The following HPCAL1 variants were observed in gnomAD, a reference collection of about 807,000 sequenced individuals.
HPCAL1 encodes the protein hippocalcin like 1.
A neutral mutation model predicts 17.1 loss-of-function variants in HPCAL1; 8 were observed. The observed-to-expected ratio is 0.47, with a 90% confidence interval of 0.27 to 0.84. The LOEUF (loss-of-function observed/expected upper bound fraction) is 0.84. Among genes scored for constraint, HPCAL1 ranks in the 40% least tolerant of loss-of-function variants. The probability of loss-of-function intolerance (pLI) is 0.13; values close to 1 mark genes in which losing one functional copy is unlikely to be tolerated. For synonymous variants in HPCAL1, 112 were observed against 111.4 expected (o/e 1.01, Z -0.03); for missense variants, 165 against 271.1 (o/e 0.61, Z 2.75).
chr2:10,402,987 A>G (rs1379782611), intron 2 of HPCAL1, among the ~76,000 whole-genome samples: 1 of 152,170 alleles, frequency 6.6e-6, no homozygotes, highest in Non-Finnish European at 1.5e-5. Context: ...ATGTGGCCAA[A>G]CCCCATTCAT....
chr2:10,400,189 G>A (rs1558519587), intron 2 of HPCAL1, among the ~76,000 whole-genome samples: 1 of 152,194 alleles, frequency 6.6e-6, no homozygotes. Context: ...GTGGCAAGGA[G>A]GGGGCGAGCA....
intron 1 of HPCAL1, among the ~76,000 whole-genome samples, chr2:10,346,518 C>A (rs1032824515): frequency 6.6e-6 from 1 of 152,106 alleles, no homozygotes; most frequent in Non-Finnish European, 1.5e-5. Flanking sequence ...AGATGTTTAA[C>A]CCTCTAGGTC....
intron 1 of HPCAL1, among the ~76,000 whole-genome samples, chr2:10,324,016 A>C (rs992382463): frequency 2.6e-5 from 4 of 152,260 alleles, no homozygotes; most frequent in African/African-American, 9.6e-5. Flanking sequence ...GTACTTCAAG[A>C]AAGTCAGTTA....
chr2:10,377,827 C>T lies in HPCAL1; in HGVS notation c.-110-19008C>T, dbSNP rs916315199. Among the ~76,000 whole-genome samples the T allele has an allele frequency of 6.6e-6, 1 of 152,144 alleles. No individual in the cohort carries two copies. The highest frequency in any genetic ancestry group is 1.5e-5 in the Non-Finnish European group (1 of 68,036). Reference sequence around the variant, plus strand: ...CCCCATCCCCAGGGTGGTGAGCCACCGAGGGGGGCCAGGCACGGGGGAGGG... The same window carrying T: ...CCCCATCCCCAGGGTGGTGAGCCACTGAGGGGGGCCAGGCACGGGGGAGGG... On this transcript the variant is annotated intron_variant, in intron 1 of 4. Coordinates refer to ENST00000307845, the MANE Select transcript of HPCAL1 (RefSeq NM_002149.4). This position sits in a 1 kb window ranked among gnomAD's most constrained non-coding sequence, Gnocchi z 5.9.
At chr2:10,414,377 G>C (rs1009240903) in intron 2 of HPCAL1, among the ~76,000 whole-genome samples, 1 of 139,450 alleles carries the variant, frequency 7.2e-6, no homozygotes, top group Non-Finnish European at 1.6e-5. Context: ...GTGTTGGCAG[G>C]GTTGGGTGTT....
At chr2:10,407,513 G>A (rs2125604017) in intron 2 of HPCAL1, among the ~76,000 whole-genome samples, 1 of 151,954 alleles carries the variant, frequency 6.6e-6, no homozygotes, top group Non-Finnish European at 1.5e-5. Context: ...TTTGGGCCCT[G>A]TGGGGGTACA....
At chr2:10,332,299 T>C (rs1294600499) in intron 1 of HPCAL1, among the ~76,000 whole-genome samples, 1 of 152,194 alleles carries the variant, frequency 6.6e-6, no homozygotes, top group Non-Finnish European at 1.5e-5. Context: ...TTTCCTTCCA[T>C]TTAAGCTTCA....
chr2:10,316,137 T>C (rs1330846996), intron 1 of HPCAL1, among the ~76,000 whole-genome samples: 5 of 152,358 alleles, frequency 3.3e-5, no homozygotes, highest in Non-Finnish European at 5.9e-5. Context: ...ACTTCGTTTG[T>C]TGACCTGGAA....
At chr2:10,308,643 G>T (rs530979020) in intron 1 of HPCAL1, among the ~76,000 whole-genome samples, 3 of 152,146 alleles carry the variant, frequency 2.0e-5, no homozygotes, top group African/African-American at 7.2e-5. Context: ...TCTCTTACCT[G>T]CCTCTCCTGC....
intron 1 of HPCAL1, chr2:10,369,141 C>T (rs542315957): frequency 8.5e-5 from 13 of 152,320 alleles, no homozygotes; most frequent in South Asian, 2.1e-4. Flanking sequence ...AACCCTGTGC[C>T]GGGGTGGCTG....
intron 1 of HPCAL1, among the ~76,000 whole-genome samples, chr2:10,393,732 C>T (rs570352241): frequency 6.6e-6 from 1 of 152,276 alleles, no homozygotes; most frequent in African/African-American, 2.4e-5. Flanking sequence ...TGCCAGCAGG[C>T]TTGTGCTCAC....
At position 10,389,421 on chromosome 2, in the gene HPCAL1, A is replaced by G. The variant is rs571864787; in HGVS notation, c.-110-7414A>G. On this transcript the variant is annotated intron_variant, in intron 1 of 4. Transcript: ENST00000307845. ...CGGCTCACCCTTGAATTCTTTCCTG[A>G]GTGAAGCCAAGAACCCTCCTGGGCT... 9.2e-5 allele frequency among the ~76,000 whole-genome samples: 14 copies of G among 152,220 alleles called. No homozygotes were observed. The East Asian group carries it at 2.5e-3, about 27-fold the overall frequency.
Position 10,310,164 on chromosome 2 carries a change from CT to C in HPCAL1, c.-111+6988del. Among the ~76,000 whole-genome samples the C allele has an allele frequency of 6.6e-6, 1 of 152,010 alleles. No homozygotes were observed. Among genetic ancestry groups the C allele is most frequent in the African/African-American group, 2.4e-5 (1 of 41,368 alleles). On this transcript the variant is annotated intron_variant, in intron 1 of 4. Transcript: ENST00000307845. The surrounding 1 kb of genome is among the most constrained non-coding windows in gnomAD (Gnocchi z 4.5). ...AACCCAGGTCTGCAGATGTGGCAGACTGGGTTTGAACTGTAGTCTTTGCTCT... is the reference window on the plus strand; with the variant it reads ...AACCCAGGTCTGCAGATGTGGCAGACGGGTTTGAACTGTAGTCTTTGCTCT...
intron 1 of HPCAL1, among the ~76,000 whole-genome samples, chr2:10,378,223 GTTTTTTTTTTTT>G (rs58697364): frequency 2.1e-5 from 2 of 96,254 alleles, no homozygotes; most frequent in South Asian, 4.1e-4. Context: ...GTGGTTTCAT[GTTTTTTTTTTTT>G]TTTTTTTTTT....
chr2:10,344,642 G>A lies in HPCAL1; in HGVS notation c.-111+41465G>A, dbSNP rs748636214. On this transcript the variant is annotated intron_variant, in intron 1 of 4. Transcript: ENST00000307845. The surrounding 1 kb of genome is among the most constrained non-coding windows in gnomAD (Gnocchi z 4.9). ...TTATAATCAAATGAGTAAGACGGGC[G>A]TCCCACACTCCACAGTACTCTGCTC... is the stretch of plus-strand genomic sequence containing the variant. Among the ~76,000 whole-genome samples, 6 of 152,150 alleles carry A rather than the reference G, an allele frequency of 3.9e-5. No individual in the cohort carries two copies. Among genetic ancestry groups the A allele is most frequent in the South Asian group, 4.2e-4 (2 of 4,818 alleles).
At chr2:10,418,808 C>G (rs528552394) in intron 2 of HPCAL1, among the ~76,000 whole-genome samples, 1 of 152,194 alleles carries the variant, frequency 6.6e-6, no homozygotes, top group African/African-American at 2.4e-5. Context: ...AGCAGTTCCT[C>G]GTTCCCACAG....
At position 10,419,651 on chromosome 2, in the gene HPCAL1, G is replaced by C; in HGVS notation, c.-24-83G>C. 7.3e-7 allele frequency: 1 copy of C among 1,360,946 alleles called. No individual in the cohort carries two copies. Among genetic ancestry groups the C allele is most frequent in the Non-Finnish European group, 9.9e-7 (1 of 1,013,100 alleles). The allele number at this position is 1,360,946 out of a possible 1,614,324, so 84.3% of individuals were successfully genotyped here. A position where few individuals can be genotyped will look rare whatever the true frequency, so the allele number is the denominator to read the frequency against. ...GAGTCGCAGCGCTTGCACAGCGATG[G>C]GCTTATTTGGTCTCTCCGGCACATG... is the stretch of plus-strand genomic sequence containing the variant. On this transcript the variant is annotated intron_variant, in intron 2 of 4. Coordinates refer to ENST00000307845, the MANE Select transcript of HPCAL1 (RefSeq NM_002149.4). The surrounding 1 kb of genome is among the most constrained non-coding windows in gnomAD (Gnocchi z 5.0).
At chr2:10,339,999 G>C (rs182420288) in intron 1 of HPCAL1, among the ~76,000 whole-genome samples, 2 of 152,322 alleles carry the variant, frequency 1.3e-5, no homozygotes, top group Non-Finnish European at 2.9e-5. Context: ...CATGACATTG[G>C]GATGAGTTCT....
rs1411527788 is a variant in HPCAL1 at position 10,365,394 on chromosome 2, A to G, written c.-110-31441A>G. 1.3e-5 allele frequency among the ~76,000 whole-genome samples: 2 copies of G among 152,152 alleles called. No individual in the cohort carries two copies. Among genetic ancestry groups the G allele is most frequent in the Admixed American group, 1.3e-4 (2 of 15,286 alleles). On this transcript the variant is annotated intron_variant, in intron 1 of 4. Transcript: ENST00000307845. The surrounding 1 kb of genome is among the most constrained non-coding windows in gnomAD (Gnocchi z 4.8). ...GAAATAAATACACCTCGTGTCATGGAGATGGGCAGACGAGGTGCCAGCTAT... is the reference window on the plus strand; with the variant it reads ...GAAATAAATACACCTCGTGTCATGGGGATGGGCAGACGAGGTGCCAGCTAT...
Sources: allele counts gnomAD v4.1 joint callset (sites outside exome capture counted in the v4.1 genomes callset), GRCh38; gene constraint gnomAD v4.1.1; non-coding constraint Gnocchi (gnomAD v3.1); transcripts MANE v1.5; gene names NCBI Gene and HGNC (gene_info 2026-07-23, HGNC 2026-07-21).